The following MAX variants were observed in gnomAD, a reference collection of about 807,000 sequenced individuals.
MAX encodes the protein MYC associated transcriptional regulator X.
Under a neutral mutation model 22.3 loss-of-function variants are expected in MAX, and 3 were observed. The observed-to-expected ratio is 0.13, with a 90% CI of 0.06 to 0.35. The LOEUF (loss-of-function observed/expected upper bound fraction) is 0.35, where lower values mean the gene tolerates loss of function less well. Among genes scored for constraint, MAX ranks in the 10% least tolerant of loss-of-function variants. MAX has a pLI of 1.00. For synonymous variants in MAX, 72 were observed against 77.7 expected, an observed-to-expected ratio of 0.93 and a Z score of 0.39; for missense variants, 119 against 209.4, an observed-to-expected ratio of 0.57 and a Z score of 2.66.
chr14:65,101,121 G>A (rs1369227178), intron 2 of MAX, among the ~76,000 whole-genome samples: 2 of 152,190 alleles, frequency 1.3e-5, no homozygotes, highest in African/African-American at 4.8e-5. Flanking sequence ...GGTTAAAGGC[G>A]ATTACCGCAT....
intron 2 of MAX, among the ~76,000 whole-genome samples, chr14:65,098,601 C>T (rs2063735241): frequency 6.6e-6 from 1 of 152,168 alleles, no homozygotes; most frequent in African/African-American, 2.4e-5. Context: ...CAAAAGGAAG[C>T]CCTTGCAATA....
At position 65,037,402 on chromosome 14, in the gene MAX, CCTTTTTTTTTTTTTTTTTTTTTTTTTTT is replaced by C. The variant is rs1461716388; in HGVS notation, c.172-31146_172-31119del. On this transcript the variant is annotated intron_variant, in intron 3 of 3. Coordinates refer to the MAX transcript ENST00000341653. Reference sequence around the variant, plus strand: ...ATAGGCGTGAGCCACCACGCCGGGCCCTTTTTTTTTTTTTTTTTTTTTTTTTTTTTTTTTTTTTTTTTTTGAGACGTCT... The same window carrying C: ...ATAGGCGTGAGCCACCACGCCGGGCCTTTTTTTTTTTTTTTTGAGACGTCT... Among the ~76,000 whole-genome samples the C allele has an allele frequency of 5.5e-4, 8 of 14,534 alleles. 1 individual carries two copies. The highest frequency in any genetic ancestry group is 1.7e-3 in the African/African-American group (6 of 3,438). 9.5% of individuals were successfully genotyped at this position (14,534 alleles called of 152,430 possible). A position where few individuals can be genotyped will look rare whatever the true frequency, so the allele number is the denominator to read the frequency against.
chr14:65,087,331 T>G (rs1484551210), intron 3 of MAX, among the ~76,000 whole-genome samples: 1 of 152,066 alleles, frequency 6.6e-6, no homozygotes, highest in Non-Finnish European at 1.5e-5. Flanking sequence ...CCCAGAATGG[T>G]AGATCCACTG....
intron 3 of MAX, among the ~76,000 whole-genome samples, chr14:65,037,640 G>GTCTCAAAC (rs2062233015): frequency 6.7e-6 from 1 of 149,566 alleles, no homozygotes; most frequent in African/African-American, 2.4e-5. Flanking sequence ...GCCCAGGTTG[G>GTCTCAAAC]TCTCAAACTC....
intron 3 of MAX, among the ~76,000 whole-genome samples, chr14:65,019,216 G>C (rs2061841466): frequency 6.6e-6 from 1 of 151,938 alleles, no homozygotes; most frequent in African/African-American, 2.4e-5. Flanking sequence ...GCTGGATGTA[G>C]TGGCTCATGG....
rs145370107 is a variant in MAX, at chr14:65,077,929, A to T, written c.279T>A (p.Ala93=). The change falls in exon 4 of 5, where the codon GCT becomes GCA. Residue 93 remains alanine, a synonymous_variant. Transcript: ENST00000358664. The surrounding 1 kb of genome is among the most constrained non-coding windows in gnomAD (Gnocchi z 6.3). ...GGTGCTCACCTTGCTGCTCCAGAAG[A>T]GCATTCTGCCGCTTGAGGTCGTCAA... ...QDIDDLKRQN[A]LLEQQVRALE... The T allele has an allele frequency of 6.2e-7, 1 of 1,614,136 alleles. No homozygotes were observed. The highest frequency in any genetic ancestry group is 1.7e-5 in the Admixed American group (1 of 60,030).
rs2139979732 is a variant in MAX at position 65,102,426 on chromosome 14, C to T, written c.-87G>A. 2 of 1,560,172 alleles carry T rather than the reference C, an allele frequency of 1.3e-6. No individual in the cohort carries two copies. The highest frequency in any genetic ancestry group is 1.2e-5 in the South Asian group (1 of 84,944). The stretch of plus-strand genomic sequence containing the variant: ...GGGGGAAGTCACCGACAACAACAAG[C>T]CGAGTCCCCCCCACACACACACTCA... On this transcript the variant is annotated 5_prime_UTR_variant, in exon 1 of 5. Transcript: ENST00000358664.
At chr14:65,100,713 G>A (rs1218857862) in intron 2 of MAX, among the ~76,000 whole-genome samples, 1 of 151,844 alleles carries the variant, frequency 6.6e-6, no homozygotes, top group African/African-American at 2.4e-5. Context: ...TCTTCCCCTC[G>A]CTGATTCTGA....
intron 3 of MAX, among the ~76,000 whole-genome samples, chr14:65,041,289 T>C (rs1359023762): frequency 6.6e-6 from 1 of 152,234 alleles, no homozygotes; most frequent in Non-Finnish European, 1.5e-5. Flanking sequence ...ACCAAACTTT[T>C]ATTACCTGCT....
chr14:65,061,324 C>T, intron 3 of MAX: 2 of 1,613,260 alleles, frequency 1.2e-6, no homozygotes, highest in Non-Finnish European at 1.7e-6. Flanking sequence ...GGACCTGGGT[C>T]CCGGCAGCTC....
At chr14:65,040,852 C>A in intron 3 of MAX, 1 of 1,613,924 alleles carries the variant, frequency 6.2e-7, no homozygotes, top group Non-Finnish European at 8.5e-7. Context: ...GGTGGCTATA[C>A]CTTCTGTGGC....
intron 3 of MAX, among the ~76,000 whole-genome samples, chr14:65,034,162 T>C (rs149545901): frequency 6.6e-6 from 1 of 152,346 alleles, no homozygotes; most frequent in Non-Finnish European, 1.5e-5. Context: ...CCTGTCTCTG[T>C]GCACACGTGC....
intron 3 of MAX, among the ~76,000 whole-genome samples, chr14:65,080,025 A>G (rs2063163364): frequency 6.6e-6 from 1 of 152,216 alleles, no homozygotes; most frequent in South Asian, 2.1e-4. Context: ...GAGGAGATAA[A>G]TATGTCTATA....
chr14:65,026,105 A>G (rs1362450991), intron 3 of MAX, among the ~76,000 whole-genome samples: 1 of 152,228 alleles, frequency 6.6e-6, no homozygotes, highest in East Asian at 1.9e-4. Context: ...TAGCAAGGAA[A>G]TAATGAGGTG....
chr14:65,097,861 G>C (rs1420619470), intron 2 of MAX, among the ~76,000 whole-genome samples: 1 of 152,178 alleles, frequency 6.6e-6, no homozygotes, highest in Non-Finnish European at 1.5e-5. Flanking sequence ...AGCTCCCTAA[G>C]AGAAAGACAT....
intron 2 of MAX, among the ~76,000 whole-genome samples, chr14:65,096,078 T>C (rs2063663760): frequency 6.6e-6 from 1 of 152,212 alleles, no homozygotes; most frequent in Non-Finnish European, 1.5e-5. Flanking sequence ...TGGCTTCTCA[T>C]CTGGGGAGCC....
chr14:65,038,605 G>A (rs368629835), intron 3 of MAX, among the ~76,000 whole-genome samples: 2 of 146,938 alleles, frequency 1.4e-5, no homozygotes, highest in South Asian at 4.4e-4. Context: ...GTAATCCCAC[G>A]TACTCAGGAG....
At chr14:65,081,467 T>C (rs1270975533) in intron 3 of MAX, among the ~76,000 whole-genome samples, 1 of 152,206 alleles carries the variant, frequency 6.6e-6, no homozygotes, top group African/African-American at 2.4e-5. Flanking sequence ...AGGGCCTTCC[T>C]TGTCTTTATG....
intron 3 of MAX, among the ~76,000 whole-genome samples, chr14:65,043,379 A>T (rs1303132429): frequency 6.6e-6 from 1 of 152,242 alleles, no homozygotes. Flanking sequence ...AGATTTTCTT[A>T]TATCAGCCAC....
Sources: allele counts gnomAD v4.1 joint callset (sites outside exome capture counted in the v4.1 genomes callset), GRCh38; gene constraint gnomAD v4.1.1; non-coding constraint Gnocchi (gnomAD v3.1); transcripts MANE v1.5; gene names NCBI Gene and HGNC (gene_info 2026-07-23, HGNC 2026-07-21).